Variants in COG5 observed in about 807,000 individuals in gnomAD.
The protein encoded by COG5 is component of oligomeric golgi complex 5, also known as conserved oligomeric Golgi complex subunit 5.
A neutral mutation model predicts 110.4 loss-of-function variants in COG5; 86 were observed. The observed-to-expected ratio is 0.78, with a 90% CI of 0.65 to 0.93. The LOEUF is 0.93. Among genes scored for constraint, COG5 ranks in the 40% least tolerant of loss-of-function variants. The probability of loss-of-function intolerance (pLI) is 0.00; values close to 1 mark genes in which losing one functional copy is unlikely to be tolerated. For synonymous variants in COG5, 360 were observed against 334.6 expected, an observed-to-expected ratio of 1.08 and a Z score of -0.83; for missense variants, 1,077 against 987.0, an observed-to-expected ratio of 1.09 and a Z score of -1.22.
intron 7 of COG5, among the ~76,000 whole-genome samples, chr7:107,391,312 T>C (rs761487268): frequency 5.3e-5 from 8 of 152,122 alleles, no homozygotes; most frequent in Admixed American, 2.0e-4. Flanking sequence ...TATTTATCTG[T>C]CGTTGGGTCA....
At chr7:107,282,774 A>C (rs955093206) in intron 13 of COG5, among the ~76,000 whole-genome samples, 8 of 152,012 alleles carry the variant, frequency 5.3e-5, no homozygotes, top group African/African-American at 1.7e-4. Context: ...CCGCCTCCCA[A>C]AGTGCTGGGA....
intron 12 of COG5, among the ~76,000 whole-genome samples, chr7:107,288,911 T>TAG (rs1805897379): frequency 6.1e-4 from 3 of 4,892 alleles, no homozygotes; most frequent in African/African-American, 9.5e-4. Flanking sequence ...AACAGAGATA[T>TAG]ATATATATAT....
chr7:107,502,210 T>C (rs1798680740), intron 6 of COG5, among the ~76,000 whole-genome samples: 2 of 152,120 alleles, frequency 1.3e-5, no homozygotes, highest in Non-Finnish European at 1.5e-5. Context: ...TTTATCACTC[T>C]AAGTCTTTGC....
At chr7:107,437,677 T>C (rs1309768734) in intron 6 of COG5, among the ~76,000 whole-genome samples, 1 of 152,172 alleles carries the variant, frequency 6.6e-6, no homozygotes, top group Non-Finnish European at 1.5e-5. Context: ...TATATTTAGA[T>C]GCACATATTA....
chr7:107,441,255 C>CAAAAA lies in COG5; in HGVS notation c.539-28628_539-28624dup, dbSNP rs551026030. ...TGGGCAACAGAGTGAGACTCCGTCT[C>CAAAAA]AAAAAAAAAAAAAAAAAAAAAAGAA... On this transcript the variant is annotated intron_variant, in intron 6 of 21. Coordinates refer to ENST00000297135, the MANE Select transcript of COG5 (RefSeq NM_006348.5). Among the ~76,000 whole-genome samples, 255 of 71,292 alleles carry CAAAAA rather than the reference C, an allele frequency of 3.6e-3. 10 individuals carry two copies. Among genetic ancestry groups the CAAAAA allele is most frequent in the African/African-American group, 0.014 (245 of 17,576 alleles). 46.8% of individuals were successfully genotyped at this position (71,292 alleles called of 152,430 possible).
At chr7:107,524,085 T>C (rs977830019) in intron 6 of COG5, among the ~76,000 whole-genome samples, 5 of 152,180 alleles carry the variant, frequency 3.3e-5, no homozygotes, top group Admixed American at 1.3e-4. Flanking sequence ...ATCAATGGAA[T>C]ACTAGTCCAT....
rs112979259 is a variant in COG5 at position 107,253,894 on chromosome 7, CTT to C, written c.1749+2836_1749+2837del. Among the ~76,000 whole-genome samples the C allele has an allele frequency of 7.2e-5, 11 of 152,234 alleles. 3 individuals carry two copies. Among genetic ancestry groups the C allele is most frequent in the African/African-American group, 2.4e-4 (10 of 41,560 alleles). ...CCTTCAGATTTTTGCCAAAATGTCTCTTGATTGGAGAGGCCTATATAAAATAG... is the reference window on the plus strand; with the variant it reads ...CCTTCAGATTTTTGCCAAAATGTCTCGATTGGAGAGGCCTATATAAAATAG... On this transcript the variant is annotated intron_variant, in intron 16 of 21. Coordinates refer to ENST00000297135, the MANE Select transcript of COG5 (RefSeq NM_006348.5).
At chr7:107,508,257 T>C (rs1260836906) in intron 6 of COG5, among the ~76,000 whole-genome samples, 1 of 152,234 alleles carries the variant, frequency 6.6e-6, no homozygotes, top group African/African-American at 2.4e-5. Flanking sequence ...CGGAGGGTCC[T>C]ATGCCCACAG....
chr7:107,206,598 G>T (rs752240429), intron 21 of COG5, among the ~76,000 whole-genome samples: 1 of 152,134 alleles, frequency 6.6e-6, no homozygotes, highest in Non-Finnish European at 1.5e-5. Context: ...ATGTATCAGC[G>T]TATAAGAAGT....
At chr7:107,270,615 A>G (rs1472927842) in intron 14 of COG5, among the ~76,000 whole-genome samples, 5 of 149,526 alleles carry the variant, frequency 3.3e-5, no homozygotes, top group Non-Finnish European at 7.5e-5. Context: ...GACCCAAGAA[A>G]AGAAAGATGT....
intron 19 of COG5, among the ~76,000 whole-genome samples, chr7:107,217,841 T>G (rs1338528067): frequency 6.6e-6 from 1 of 152,052 alleles, no homozygotes; most frequent in Non-Finnish European, 1.5e-5. Context: ...CTTTTATTCA[T>G]AATCCTACTG....
At chr7:107,372,570 A>T in intron 8 of COG5, 25 bp downstream of exon 8, 1 of 1,610,272 alleles carries the variant, frequency 6.2e-7, no homozygotes, top group South Asian at 1.1e-5. Context: ...TAAATAAAGA[A>T]GCTAAATATA....
At chr7:107,412,883 G>A (rs1417776407) in intron 6 of COG5, among the ~76,000 whole-genome samples, 1 of 152,114 alleles carries the variant, frequency 6.6e-6, no homozygotes, top group Non-Finnish European at 1.5e-5. Context: ...ATTATTACAA[G>A]TTTAAGGAAA....
intron 11 of COG5, among the ~76,000 whole-genome samples, chr7:107,312,770 T>C (rs2158346): frequency 6.6e-6 from 1 of 152,026 alleles, no homozygotes; most frequent in African/African-American, 2.4e-5. Flanking sequence ...GGCAGACCAG[T>C]TCACTTCTTG....
chr7:107,486,828 G>A (rs1335096660), intron 6 of COG5, among the ~76,000 whole-genome samples: 1 of 152,114 alleles, frequency 6.6e-6, no homozygotes, highest in Admixed American at 6.6e-5. Context: ...TGGAAAAACA[G>A]GGTTTAATGC....
At chr7:107,352,331 A>T (rs1253358557) in intron 10 of COG5, among the ~76,000 whole-genome samples, 2 of 149,312 alleles carry the variant, frequency 1.3e-5, no homozygotes, top group African/African-American at 2.5e-5. Context: ...GGATAGCATT[A>T]GGAGATATAC....
chr7:107,410,404 G>C (rs1316618612), intron 7 of COG5, among the ~76,000 whole-genome samples: 12 of 152,106 alleles, frequency 7.9e-5, no homozygotes. Flanking sequence ...GAGTAGTAAA[G>C]ACATTTATGC....
chr7:107,488,209 C>T, intron 6 of COG5, among the ~76,000 whole-genome samples: 1 of 151,700 alleles, frequency 6.6e-6, no homozygotes, highest in East Asian at 1.9e-4. Flanking sequence ...CATAAAAATT[C>T]CTTCCTCTGT....
intron 7 of COG5, among the ~76,000 whole-genome samples, chr7:107,386,013 T>A (rs1291255268): frequency 6.6e-6 from 1 of 151,592 alleles, no homozygotes; most frequent in Non-Finnish European, 1.5e-5. Flanking sequence ...TGTGTGTGTG[T>A]GTGTGTGTGT....
Sources: gnomAD v4.1 joint callset for allele counts (sites outside exome capture counted in the v4.1 genomes callset) on GRCh38, gnomAD v4.1.1 for gene constraint, MANE v1.5 for transcripts, NCBI Gene and HGNC (gene_info 2026-07-23, HGNC 2026-07-21) for gene names.